The following VEGFC variants were observed in gnomAD, a reference collection of about 807,000 sequenced individuals.
The protein encoded by VEGFC is FLT4 ligand DHM.
VEGFC carries 12 observed loss-of-function variants against 46.1 expected under a neutral mutation model. That is an observed-to-expected ratio of 0.26 (90% CI 0.17 to 0.42). The LOEUF is 0.42. Ranked by LOEUF, VEGFC falls within the 10% of genes least tolerant of loss-of-function variation. The probability of loss-of-function intolerance (pLI) is 1.00; values close to 1 mark genes in which losing one functional copy is unlikely to be tolerated. For missense variants in VEGFC, 488 were observed against 529.4 expected (o/e 0.92, Z 0.77); for synonymous variants, 232 against 195.5 (o/e 1.19, Z -1.56).
intron 6 of VEGFC, 30 bp downstream of exon 6, chr4:176,687,157 A>C: frequency 6.3e-7 from 1 of 1,580,658 alleles, no homozygotes; most frequent in East Asian, 2.2e-5. Context: ...CTAGTAAGAT[A>C]AATTAATATT....
At chr4:176,752,550 C>T (rs569161268) in intron 1 of VEGFC, among the ~76,000 whole-genome samples, 33 of 152,194 alleles carry the variant, frequency 2.2e-4, no homozygotes, top group African/African-American at 6.7e-4. Flanking sequence ...ACTATTAAAA[C>T]GGAAATGTCT....
At chr4:176,770,105 T>C (rs1273060017) in intron 1 of VEGFC, among the ~76,000 whole-genome samples, 1 of 152,204 alleles carries the variant, frequency 6.6e-6, no homozygotes, top group Non-Finnish European at 1.5e-5. Flanking sequence ...ATCTTAATAG[T>C]AGTTCTGCAA....
chr4:176,711,436 T>C, intron 4 of VEGFC, 63 bp downstream of exon 4: 1 of 1,516,136 alleles, frequency 6.6e-7, no homozygotes. Context: ...TAACTTATGT[T>C]TACTTGAAAA....
chr4:176,782,481 ATT>A (rs750474651), intron 1 of VEGFC, among the ~76,000 whole-genome samples: 13 of 148,716 alleles, frequency 8.7e-5, no homozygotes, highest in African/African-American at 3.2e-4. Context: ...AAAAAAAAAA[ATT>A]TTTAAATAAA....
At chr4:176,741,562 C>T (rs1560952200) in intron 1 of VEGFC, among the ~76,000 whole-genome samples, 1 of 151,912 alleles carries the variant, frequency 6.6e-6, no homozygotes, top group Non-Finnish European at 1.5e-5. Flanking sequence ...AGTACACACA[C>T]ACAGTGTCTC....
intron 4 of VEGFC, chr4:176,705,824 T>C (rs185025254): frequency 2.0e-5 from 3 of 152,332 alleles, no homozygotes; most frequent in African/African-American, 7.2e-5. Context: ...ATTGAACAGA[T>C]TGATTTCAGT....
chr4:176,725,783 T>A (rs1243293810), intron 3 of VEGFC, among the ~76,000 whole-genome samples: 2 of 152,160 alleles, frequency 1.3e-5, no homozygotes, highest in Non-Finnish European at 2.9e-5. Flanking sequence ...GACATATTTC[T>A]CAAGAGACTC....
rs556009147 is a variant in VEGFC, at chr4:176,744,248, C to T, written c.148-14502G>A. On this transcript the variant is annotated intron_variant, in intron 1 of 6. Coordinates refer to ENST00000618562, the MANE Select transcript of VEGFC (RefSeq NM_005429.5). ...TTCAATGAACTAAATTATACAATAC[C>T]AGTCTCCAATTTATAAACATAATTT... 4.6e-5 allele frequency among the ~76,000 whole-genome samples: 7 copies of T among 151,998 alleles called. No individual in the cohort carries two copies. The South Asian group carries it at 6.2e-4, about 14-fold the overall frequency.
At chr4:176,727,034 G>C (rs956188229) in intron 3 of VEGFC, among the ~76,000 whole-genome samples, 1 of 152,152 alleles carries the variant, frequency 6.6e-6, no homozygotes, top group African/African-American at 2.4e-5. Context: ...TCTGTTCAGA[G>C]GCCAGAGGTG....
At chr4:176,740,139 CTA>C (rs1323449568) in intron 1 of VEGFC, among the ~76,000 whole-genome samples, 11 of 119,798 alleles carry the variant, frequency 9.2e-5, no homozygotes, top group Non-Finnish European at 1.8e-4. Flanking sequence ...GAATATATAA[CTA>C]TATATAGAAG....
At chr4:176,711,692 C>A in intron 3 of VEGFC, 42 bp from the exon 4 acceptor site, 1 of 1,597,684 alleles carries the variant, frequency 6.3e-7, no homozygotes, top group Non-Finnish European at 8.6e-7. Flanking sequence ...TATATAGATG[C>A]TGTAAAGCAC....
intron 3 of VEGFC, among the ~76,000 whole-genome samples, chr4:176,714,210 T>C (rs557633978): frequency 6.6e-6 from 1 of 152,348 alleles, no homozygotes; most frequent in South Asian, 2.1e-4. Context: ...AGATCCCTCA[T>C]GAATGGCTTA....
intron 1 of VEGFC, among the ~76,000 whole-genome samples, chr4:176,791,682 T>C (rs1044788650): frequency 6.6e-6 from 1 of 152,140 alleles, no homozygotes; most frequent in African/African-American, 2.4e-5. Flanking sequence ...CTGACACTTT[T>C]TTTCTAAAGT....
chr4:176,716,878 T>C (rs1003732817), intron 3 of VEGFC, among the ~76,000 whole-genome samples: 9 of 152,168 alleles, frequency 5.9e-5, no homozygotes, highest in African/African-American at 2.2e-4. Flanking sequence ...ATCATGATAC[T>C]ATTGTCAGAC....
At chr4:176,684,135 G>A in intron 6 of VEGFC, 95 bp from the exon 7 acceptor site, 2 of 894,422 alleles carry the variant, frequency 2.2e-6, no homozygotes, top group Non-Finnish European at 3.5e-6. Context: ...ATTTCAGACT[G>A]GAATAAAATT....
intron 1 of VEGFC, among the ~76,000 whole-genome samples, chr4:176,774,529 A>T (rs1032112144): frequency 6.6e-6 from 1 of 152,190 alleles, no homozygotes; most frequent in East Asian, 1.9e-4. Context: ...CTATCTTTGC[A>T]TATGTAAAAT....
At chr4:176,738,980 G>A (rs10015951) in intron 1 of VEGFC, among the ~76,000 whole-genome samples, 11,384 of 150,908 alleles carry the variant, frequency 0.075, 899 homozygotes, top group African/African-American at 0.19. Context: ...CCAGTAATGG[G>A]ATTGCAGGGT....
chr4:176,723,377 G>A (rs1206170917), intron 3 of VEGFC, among the ~76,000 whole-genome samples: 2 of 151,682 alleles, frequency 1.3e-5, no homozygotes, highest in African/African-American at 2.4e-5. Context: ...TCCATGTGCA[G>A]GTTTGTTACA....
At position 176,752,477 on chromosome 4, in the gene VEGFC, G is replaced by T. The variant is rs181360729; in HGVS notation, c.148-22731C>A. Among the ~76,000 whole-genome samples the T allele has an allele frequency of 1.2e-3, 183 of 152,138 alleles. 1 individual carries two copies. Among genetic ancestry groups the T allele is most frequent in the Admixed American group, 1.6e-3 (25 of 15,254 alleles). On this transcript the variant is annotated intron_variant, in intron 1 of 6. Coordinates refer to ENST00000618562, the MANE Select transcript of VEGFC (RefSeq NM_005429.5). ...CAACAAAACTACTCTTCAGTGTTCA[G>T]TAGGAGCACAATGCCTGTAGGATGA... is the stretch of plus-strand genomic sequence containing the variant.
Sources: allele counts gnomAD v4.1 joint callset (sites outside exome capture counted in the v4.1 genomes callset), GRCh38; gene constraint gnomAD v4.1.1; transcripts MANE v1.5; gene names NCBI Gene and HGNC (gene_info 2026-07-23, HGNC 2026-07-21).